The following DLGAP1 variants were observed in gnomAD, a reference collection of about 807,000 sequenced individuals.
DLGAP1 encodes DLG associated protein 1, also known as disks large-associated protein 1.
In DLGAP1, 11 loss-of-function variants were observed where a neutral mutation model predicts 90.8. The ratio of observed to expected loss-of-function variants is 0.12; its 90% CI spans 0.08 to 0.20. The LOEUF (loss-of-function observed/expected upper bound fraction) is 0.20, where lower values mean the gene tolerates loss of function less well. DLGAP1 is among the 10% of genes least tolerant of loss of function. The probability of loss-of-function intolerance (pLI) is 1.00; values close to 1 mark genes in which losing one functional copy is unlikely to be tolerated. For missense variants in DLGAP1, 1,050 were observed against 1,333.8 expected, an observed-to-expected ratio of 0.79 and a Z score of 3.31; for synonymous variants, 558 against 540.7, an observed-to-expected ratio of 1.03 and a Z score of -0.44.
At chr18:3,863,218 C>T (rs988306423) in intron 4 of DLGAP1, among the ~76,000 whole-genome samples, 1 of 152,030 alleles carries the variant, frequency 6.6e-6, no homozygotes, top group African/African-American at 2.4e-5. Flanking sequence ...GTGGCTACCA[C>T]GTGGGACAGC....
intron 5 of DLGAP1, among the ~76,000 whole-genome samples, chr18:3,759,647 G>A (rs1001519346): frequency 2.0e-5 from 3 of 152,230 alleles, no homozygotes; most frequent in African/African-American, 7.2e-5. Flanking sequence ...GAGGACATGT[G>A]ATTCCTGCCC....
intron 9 of DLGAP1, among the ~76,000 whole-genome samples, chr18:3,559,531 T>A (rs1428803407): frequency 6.6e-6 from 1 of 152,086 alleles, no homozygotes; most frequent in East Asian, 1.9e-4. Flanking sequence ...TCTCCTTTCT[T>A]AGCATACTAA....
intron 5 of DLGAP1, among the ~76,000 whole-genome samples, chr18:3,753,012 A>G (rs990660351): frequency 2.0e-5 from 3 of 152,142 alleles, no homozygotes; most frequent in African/African-American, 7.2e-5. Flanking sequence ...TTTTTGTGTC[A>G]GCGCATAAAA....
chr18:4,166,002 C>A (rs945648804), intron 1 of DLGAP1, among the ~76,000 whole-genome samples: 5 of 151,672 alleles, frequency 3.3e-5, no homozygotes, highest in Admixed American at 6.6e-5. Flanking sequence ...TATAAAAAAT[C>A]AAAAAAATTA....
rs2148690786 is a variant in DLGAP1 at position 3,852,282 on chromosome 18, A to G, written c.957+26830T>C. Among the ~76,000 whole-genome samples, 3 of 152,340 alleles carry G rather than the reference A, an allele frequency of 2.0e-5. 1 individual carries two copies. The Middle Eastern group carries it at 0.01, about 518-fold the overall frequency. Reference sequence around the variant, plus strand: ...TTTGAAAAGAATCCTTAAGGCAGTCAAGGAAAAAGATAAAAATCAGTTAAG... The same window carrying G: ...TTTGAAAAGAATCCTTAAGGCAGTCGAGGAAAAAGATAAAAATCAGTTAAG... On this transcript the variant is annotated intron_variant, in intron 4 of 12. Transcript: ENST00000315677.
chr18:4,157,911 AAC>A (rs200867201), intron 1 of DLGAP1, among the ~76,000 whole-genome samples: 1,751 of 152,264 alleles, frequency 0.011, 63 homozygotes, highest in Admixed American at 0.068. Flanking sequence ...GGTTTTAAGA[AAC>A]ACAGATGACC....
intron 7 of DLGAP1, among the ~76,000 whole-genome samples, chr18:3,673,202 T>C (rs2060162591): frequency 6.6e-6 from 1 of 152,220 alleles, no homozygotes. Context: ...CCCCAGTTTC[T>C]TTTCACATTC....
At chr18:4,011,596 T>C (rs1243494399) in intron 2 of DLGAP1, among the ~76,000 whole-genome samples, 1 of 151,942 alleles carries the variant, frequency 6.6e-6, no homozygotes, top group East Asian at 1.9e-4. Context: ...GCAGGAGGAT[T>C]GCTTGAGCTC....
intron 3 of DLGAP1, among the ~76,000 whole-genome samples, chr18:3,889,090 G>A (rs1303102197): frequency 6.6e-6 from 1 of 152,096 alleles, no homozygotes; most frequent in Non-Finnish European, 1.5e-5. Context: ...TCACAGAGAA[G>A]AGAAAAACCC....
At position 3,729,106 on chromosome 18, in the gene DLGAP1, C is replaced by T. The variant is rs767724998; in HGVS notation, c.1591+29G>A. On this transcript the variant is annotated intron_variant, in intron 7 of 12. Transcript: ENST00000315677. The surrounding 1 kb of genome is among the most constrained non-coding windows in gnomAD (Gnocchi z 6.2). ...AGTCGTGCCATAGCCAGCACAGGGG[C>T]CAGGCTGGCTGAGGGCCCGCGCACT... is the stretch of plus-strand genomic sequence containing the variant. The T allele has an allele frequency of 6.3e-7, 1 of 1,580,026 alleles. No homozygotes were observed. The highest frequency in any genetic ancestry group is 8.6e-7 in the Non-Finnish European group (1 of 1,161,842).
At position 3,762,103 on chromosome 18, in the gene DLGAP1, T is replaced by C. The variant is rs143431915; in HGVS notation, c.1173-19591A>G. ...TAATATAGTAGTACTTCAGGGACTA[T>C]TATGGCCATGGCTGAAAATAGAAAA... On this transcript the variant is annotated intron_variant, in intron 5 of 12. Transcript: ENST00000315677. Among the ~76,000 whole-genome samples the C allele has an allele frequency of 1.2e-3, 184 of 152,320 alleles. 1 individual carries two copies. The highest frequency in any genetic ancestry group is 4.3e-3 in the African/African-American group (178 of 41,568).
intron 1 of DLGAP1, among the ~76,000 whole-genome samples, chr18:4,302,576 A>G (rs2080153980): frequency 6.6e-6 from 1 of 152,096 alleles, no homozygotes; most frequent in Non-Finnish European, 1.5e-5. Context: ...TAATGTATTG[A>G]CAATGTGTCT....
intron 5 of DLGAP1, among the ~76,000 whole-genome samples, chr18:3,748,705 G>A (rs2063372431): frequency 6.6e-6 from 1 of 152,088 alleles, no homozygotes; most frequent in African/African-American, 2.4e-5. Flanking sequence ...AACATTAATG[G>A]CTTAAACTGA....
chr18:4,017,513 C>T (rs2074542606), intron 2 of DLGAP1, among the ~76,000 whole-genome samples: 1 of 152,162 alleles, frequency 6.6e-6, no homozygotes, highest in Non-Finnish European at 1.5e-5. Flanking sequence ...TACTCATTTT[C>T]CTCAAGCACA....
At chr18:4,381,709 A>G (rs1357929903) in intron 1 of DLGAP1, among the ~76,000 whole-genome samples, 1 of 152,146 alleles carries the variant, frequency 6.6e-6, no homozygotes, top group Non-Finnish European at 1.5e-5. Context: ...CAACTAAAAC[A>G]TCACCATGTT....
intron 1 of DLGAP1, among the ~76,000 whole-genome samples, chr18:4,258,393 C>A (rs1234113825): frequency 6.6e-6 from 1 of 152,072 alleles, no homozygotes; most frequent in Non-Finnish European, 1.5e-5. Context: ...TTGATGAATG[C>A]CCATTCCTAA....
intron 2 of DLGAP1, among the ~76,000 whole-genome samples, chr18:4,062,193 T>C (rs1003244962): frequency 1.3e-5 from 2 of 152,170 alleles, no homozygotes; most frequent in African/African-American, 4.8e-5. Context: ...TGAGTATTCT[T>C]AACTTACGGC....
intron 2 of DLGAP1, among the ~76,000 whole-genome samples, chr18:4,011,520 G>C (rs1599322857): frequency 1.3e-5 from 2 of 151,802 alleles, no homozygotes; most frequent in Non-Finnish European, 2.9e-5. Context: ...AGAGGGTGCT[G>C]ATAACAGTCC....
At chr18:3,730,686 A>C (rs1006277148) in intron 6 of DLGAP1, among the ~76,000 whole-genome samples, 6 of 152,156 alleles carry the variant, frequency 3.9e-5, no homozygotes, top group Non-Finnish European at 8.8e-5. Context: ...TATTATCTGA[A>C]GTTGTGCTCC....
Sources: gnomAD v4.1 joint callset for allele counts (sites outside exome capture counted in the v4.1 genomes callset) on GRCh38, gnomAD v4.1.1 for gene constraint, Gnocchi (gnomAD v3.1) non-coding constraint, MANE v1.5 for transcripts, NCBI Gene and HGNC (gene_info 2026-07-23, HGNC 2026-07-21) for gene names.